Variants in PHF14 observed in about 807,000 individuals in gnomAD.
PHF14 encodes PHD finger protein 14.
In PHF14, 55 loss-of-function variants were observed where a neutral mutation model predicts 117.9. The observed-to-expected ratio is 0.47, with a 90% CI of 0.38 to 0.58. PHF14 has a LOEUF of 0.58. Ranked by LOEUF, PHF14 falls within the 20% of genes least tolerant of loss-of-function variation. The pLI is 0.00. For synonymous variants in PHF14, 409 were observed against 368.6 expected (o/e 1.11, Z -1.26); for missense variants, 978 against 1,122.2 (o/e 0.87, Z 1.84).
intron 17 of PHF14, among the ~76,000 whole-genome samples, chr7:11,133,742 A>T (rs17163974): frequency 0.018 from 2,778 of 152,092 alleles, 38 homozygotes; most frequent in Middle Eastern, 0.044. Context: ...CATTTGGATT[A>T]TCCTCAACCA....
At chr7:11,164,776 C>T (rs1320573519) in intron 17 of PHF14, among the ~76,000 whole-genome samples, 1 of 152,188 alleles carries the variant, frequency 6.6e-6, no homozygotes, top group Non-Finnish European at 1.5e-5. Context: ...TGAGAGGCTG[C>T]TACTACTCTA....
chr7:11,133,599 A>T (rs1328943740), intron 17 of PHF14, among the ~76,000 whole-genome samples: 1 of 151,942 alleles, frequency 6.6e-6, no homozygotes, highest in African/African-American at 2.4e-5. Context: ...GGATCAGAAG[A>T]GGACAGGAAA....
At chr7:11,157,099 T>C (rs1788883552) in intron 17 of PHF14, among the ~76,000 whole-genome samples, 1 of 152,198 alleles carries the variant, frequency 6.6e-6, no homozygotes, top group South Asian at 2.1e-4. Context: ...CATTGCATTG[T>C]GATTATTTGC....
At chr7:11,056,259 A>C (rs1355260470) in intron 14 of PHF14, among the ~76,000 whole-genome samples, 2 of 152,134 alleles carry the variant, frequency 1.3e-5, no homozygotes, top group Non-Finnish European at 2.9e-5. Context: ...TATTCCCAGG[A>C]GTATGAAATA....
chr7:11,144,959 G>A (rs1042572152), intron 17 of PHF14, among the ~76,000 whole-genome samples: 3 of 151,854 alleles, frequency 2.0e-5, no homozygotes, highest in African/African-American at 7.3e-5. Flanking sequence ...AGAGAATGAG[G>A]TATTTTGTGT....
At chr7:11,149,819 T>A (rs562014619) in intron 17 of PHF14, among the ~76,000 whole-genome samples, 4 of 151,572 alleles carry the variant, frequency 2.6e-5, no homozygotes, top group South Asian at 2.1e-4. Context: ...GATTTTTTTT[T>A]ATATTTCTAA....
chr7:11,023,448 T>G (rs1783801397), intron 6 of PHF14, among the ~76,000 whole-genome samples: 2 of 152,212 alleles, frequency 1.3e-5, no homozygotes. Flanking sequence ...TTATGTGTGT[T>G]CTGACTGCTT....
rs540188658 is a variant in PHF14 at position 10,995,831 on chromosome 7, G to A, written c.1045+4984G>A. Reference sequence around the variant, plus strand: ...TCACTGCCCGGGGCTGGCAGTGCCCGCCAAGCCCATGCCCACCCGGAACTC... The same window carrying A: ...TCACTGCCCGGGGCTGGCAGTGCCCACCAAGCCCATGCCCACCCGGAACTC... On this transcript the variant is annotated intron_variant, in intron 4 of 17. Transcript: ENST00000634607. Among the ~76,000 whole-genome samples, 28 of 152,302 alleles carry A rather than the reference G, an allele frequency of 1.8e-4. 2 individuals carry two copies. The highest frequency in any genetic ancestry group is 6.5e-4 in the African/African-American group (27 of 41,572).
chr7:11,071,223 A>G (rs1299103044), intron 16 of PHF14: 1 of 517,762 alleles, frequency 1.9e-6, no homozygotes, highest in South Asian at 1.4e-5. Flanking sequence ...TCTGAAGCCT[A>G]GTACACTAGC....
intron 2 of PHF14, among the ~76,000 whole-genome samples, chr7:10,975,912 A>C (rs1448772235): frequency 6.6e-6 from 1 of 152,156 alleles, no homozygotes; most frequent in Non-Finnish European, 1.5e-5. Context: ...GGATGAACGA[A>C]ATTATATTAC....
At chr7:11,128,799 C>G (rs1418084647) in intron 17 of PHF14, among the ~76,000 whole-genome samples, 3 of 151,252 alleles carry the variant, frequency 2.0e-5, no homozygotes, top group African/African-American at 7.3e-5. Flanking sequence ...TTTCTCACTA[C>G]TCTTTTGCAA....
chr7:11,111,483 TA>T lies in PHF14; in HGVS notation c.2772+17del. On this transcript the variant is annotated intron_variant, in intron 17 of 17. Coordinates refer to ENST00000634607, the MANE Select transcript of PHF14 (RefSeq NM_001007157.2). ...ATCTTCCAAGGTAAGGGGAGAAGTCTATAAGAAAAGGTATTGGTGTCCTTCC... is the reference window on the plus strand; with the variant it reads ...ATCTTCCAAGGTAAGGGGAGAAGTCTTAAGAAAAGGTATTGGTGTCCTTCC... 8 of 1,311,982 alleles carry T rather than the reference TA, an allele frequency of 6.1e-6. No homozygotes were observed. Among genetic ancestry groups the T allele is most frequent in the Non-Finnish European group, 8.7e-6 (8 of 915,842 alleles). 81.3% of individuals were successfully genotyped at this position (1,311,982 alleles called of 1,614,324 possible).
chr7:11,064,019 G>A (rs1419483270), intron 16 of PHF14, among the ~76,000 whole-genome samples: 3 of 151,782 alleles, frequency 2.0e-5, no homozygotes, highest in Admixed American at 2.0e-4. Flanking sequence ...TAAATTGTCT[G>A]CAAAGTTTTA....
rs2128341865 is a variant in PHF14 at position 11,103,603 on chromosome 7, T to G, written c.2655-7747T>G. On this transcript the variant is annotated intron_variant, in intron 16 of 17. Coordinates refer to ENST00000634607, the MANE Select transcript of PHF14 (RefSeq NM_001007157.2). Reference sequence around the variant, plus strand: ...TTGAATTGCACTTATACATGTAAATTGTCAACATGTAATTTGGAATTTTCT... The same window carrying G: ...TTGAATTGCACTTATACATGTAAATGGTCAACATGTAATTTGGAATTTTCT... 4 of 982,666 alleles carry G rather than the reference T, an allele frequency of 4.1e-6. No individual in the cohort carries two copies. The South Asian group carries it at 1.9e-4, about 46-fold the overall frequency. 60.9% of individuals were successfully genotyped at this position (982,666 alleles called of 1,614,324 possible).
At chr7:11,010,541 T>C (rs796772648) in intron 4 of PHF14, among the ~76,000 whole-genome samples, 11 of 152,060 alleles carry the variant, frequency 7.2e-5, no homozygotes, top group South Asian at 6.2e-4. Context: ...AAATGTTAAT[T>C]AAATGAAATT....
chr7:11,167,919 G>C (rs574513004), intron 17 of PHF14, among the ~76,000 whole-genome samples: 1 of 151,720 alleles, frequency 6.6e-6, no homozygotes, highest in Non-Finnish European at 1.5e-5. Flanking sequence ...CCAGCTACTC[G>C]GGAGGCTGAG....
At chr7:11,047,522 G>A (rs926027562) in intron 13 of PHF14, among the ~76,000 whole-genome samples, 3 of 151,520 alleles carry the variant, frequency 2.0e-5, no homozygotes, top group African/African-American at 7.3e-5. Flanking sequence ...AAGGCCAGAC[G>A]CAGTGGCTCA....
chr7:11,137,767 G>A (rs1788268305), intron 17 of PHF14, among the ~76,000 whole-genome samples: 1 of 150,882 alleles, frequency 6.6e-6, no homozygotes, highest in South Asian at 2.1e-4. Context: ...TGTATTTTCA[G>A]TAGAGACGGG....
chr7:11,061,904 G>A, intron 15 of PHF14, 60 bp from the exon 16 acceptor site: 1 of 1,520,430 alleles, frequency 6.6e-7, no homozygotes, highest in African/African-American at 1.4e-5. Flanking sequence ...GCTTAAAATT[G>A]TTTCCCTCAT....
Sources: allele counts gnomAD v4.1 joint callset (sites outside exome capture counted in the v4.1 genomes callset), GRCh38; gene constraint gnomAD v4.1.1; transcripts MANE v1.5; gene names NCBI Gene and HGNC (gene_info 2026-07-23, HGNC 2026-07-21).